Variants in HS6ST1 observed in about 807,000 individuals in gnomAD.
HS6ST1 encodes heparan-sulfate 6-O-sulfotransferase 1.
In HS6ST1, 3 loss-of-function variants were observed where a neutral mutation model predicts 25.2. The observed-to-expected ratio is 0.12, with a 90% CI of 0.05 to 0.31. The LOEUF is 0.31. Ranked by LOEUF, HS6ST1 falls within the 10% of genes least tolerant of loss-of-function variation. The probability of loss-of-function intolerance (pLI) is 1.00; values close to 1 mark genes in which losing one functional copy is unlikely to be tolerated. For missense variants in HS6ST1, 310 were observed against 609.6 expected, an observed-to-expected ratio of 0.51 and a Z score of 5.18; for synonymous variants, 204 against 275.1, an observed-to-expected ratio of 0.74 and a Z score of 2.56.
chr2:128,302,265 G>A (rs1296446474), intron 1 of HS6ST1, among the ~76,000 whole-genome samples: 1 of 152,192 alleles, frequency 6.6e-6, no homozygotes, highest in Non-Finnish European at 1.5e-5. Context: ...GGACCTTGAG[G>A]TCAAAGAATG....
rs1026992939 is a variant in HS6ST1, at chr2:128,318,846, C to G, written c.-283G>C. Among the ~76,000 whole-genome samples the G allele has an allele frequency of 6.8e-6, 1 of 147,696 alleles. No homozygotes were observed. The highest frequency in any genetic ancestry group is 2.4e-5 in the African/African-American group (1 of 40,930). On this transcript the variant is annotated 5_prime_UTR_variant, in exon 1 of 2. Coordinates refer to ENST00000259241, the MANE Select transcript of HS6ST1 (RefSeq NM_004807.3). The surrounding 1 kb of genome is among the most constrained non-coding windows in gnomAD (Gnocchi z 5.7). ...GCCCCCAGCACCAGCCCGCTCCGCT[C>G]CACTCCGCGCCGAGAACGCTCTGCG... is the stretch of plus-strand genomic sequence containing the variant.
chr2:128,296,209 G>C (rs1465096991), intron 1 of HS6ST1, among the ~76,000 whole-genome samples: 1 of 152,188 alleles, frequency 6.6e-6, no homozygotes, highest in South Asian at 2.1e-4. Context: ...GTTTGTAATA[G>C]AGGCTGAGCT....
Position 128,266,493 on chromosome 2 carries a change from T to G in HS6ST1, c.*1669A>C, listed in dbSNP as rs1372603566. ...GGGGCCAGTGTAGGAGACCTGAGGGTGGGGCCCTTATGCCAGACCTCCAGG... is the reference window on the plus strand; with the variant it reads ...GGGGCCAGTGTAGGAGACCTGAGGGGGGGGCCCTTATGCCAGACCTCCAGG... On this transcript the variant is annotated 3_prime_UTR_variant, in exon 2 of 2. Transcript: ENST00000259241. 1 of 152,164 alleles carries G rather than the reference T, an allele frequency of 6.6e-6. No homozygotes were observed. The highest frequency in any genetic ancestry group is 2.4e-5 in the African/African-American group (1 of 41,432). 9.4% of individuals were successfully genotyped at this position (152,164 alleles called of 1,614,324 possible). A position where few individuals can be genotyped will look rare whatever the true frequency, so the allele number is the denominator to read the frequency against.
chr2:128,305,126 C>T (rs1015427239), intron 1 of HS6ST1, among the ~76,000 whole-genome samples: 1 of 152,220 alleles, frequency 6.6e-6, no homozygotes, highest in African/African-American at 2.4e-5. Context: ...CCCATTTGAC[C>T]CACTTGCTGA....
At chr2:128,303,203 G>A (rs17016134) in intron 1 of HS6ST1, among the ~76,000 whole-genome samples, 2,228 of 152,370 alleles carry the variant, frequency 0.015, 53 homozygotes, top group African/African-American at 0.049. Flanking sequence ...GATGCCCCAA[G>A]ATGCAGACCA....
chr2:128,314,947 A>C (rs995174508), intron 1 of HS6ST1, among the ~76,000 whole-genome samples: 1 of 152,066 alleles, frequency 6.6e-6, no homozygotes, highest in African/African-American at 2.4e-5. Flanking sequence ...GGAAGGAGGG[A>C]GGTTCTGGCT....
intron 1 of HS6ST1, among the ~76,000 whole-genome samples, chr2:128,278,008 T>A (rs1003657530): frequency 4.6e-5 from 7 of 152,250 alleles, no homozygotes; most frequent in African/African-American, 1.7e-4. Context: ...CGTGGCCACT[T>A]CTAAAGTCCA....
At chr2:128,311,151 T>A (rs956049263) in intron 1 of HS6ST1, among the ~76,000 whole-genome samples, 8 of 152,140 alleles carry the variant, frequency 5.3e-5, no homozygotes, top group African/African-American at 4.8e-5. Flanking sequence ...TTTTTCAGCA[T>A]AACATACCCC....
chr2:128,308,100 T>C (rs1694238343), intron 1 of HS6ST1, among the ~76,000 whole-genome samples: 1 of 152,168 alleles, frequency 6.6e-6, no homozygotes, highest in African/African-American at 2.4e-5. Flanking sequence ...AACAGCACTG[T>C]GTATCATTTA....
intron 1 of HS6ST1, among the ~76,000 whole-genome samples, chr2:128,290,856 A>G (rs1693941113): frequency 6.7e-6 from 1 of 148,294 alleles, no homozygotes; most frequent in East Asian, 2.0e-4. Flanking sequence ...TTTAGCATGC[A>G]TGATGGCACG....
At chr2:128,296,770 T>C (rs1694044513) in intron 1 of HS6ST1, among the ~76,000 whole-genome samples, 1 of 152,198 alleles carries the variant, frequency 6.6e-6, no homozygotes, top group African/African-American at 2.4e-5. Flanking sequence ...AGACCTACTA[T>C]CATTAAGATG....
chr2:128,297,697 G>A (rs892325571), intron 1 of HS6ST1, among the ~76,000 whole-genome samples: 6 of 152,100 alleles, frequency 3.9e-5, no homozygotes, highest in African/African-American at 7.3e-5. Flanking sequence ...AGCTGGGCGT[G>A]GTGGCACATG....
At chr2:128,293,195 C>T (rs546993996) in intron 1 of HS6ST1, among the ~76,000 whole-genome samples, 171 of 152,360 alleles carry the variant, frequency 1.1e-3, no homozygotes, top group African/African-American at 3.9e-3. Context: ...CTGTCTCCTG[C>T]GGAAGGGCAC....
intron 1 of HS6ST1, among the ~76,000 whole-genome samples, chr2:128,273,250 C>G (rs1573689843): frequency 6.6e-6 from 1 of 152,360 alleles, no homozygotes; most frequent in South Asian, 2.1e-4. Flanking sequence ...CTTACGCTGT[C>G]CCCACGGCTC....
chr2:128,294,044 T>C lies in HS6ST1; in HGVS notation c.527+23993A>G, dbSNP rs554497888. Among the ~76,000 whole-genome samples the C allele has an allele frequency of 1.1e-3, 169 of 152,324 alleles. 1 individual carries two copies. Among genetic ancestry groups the C allele is most frequent in the African/African-American group, 3.9e-3 (163 of 41,584 alleles). ...CAGTAGGCTTGGCTCTGTACCTCCT[T>C]GAGGGCAGGGCCCTGCCCTCTCCTC... On this transcript the variant is annotated intron_variant, in intron 1 of 1. Coordinates refer to ENST00000259241, the MANE Select transcript of HS6ST1 (RefSeq NM_004807.3).
chr2:128,293,003 G>C (rs1034693512), intron 1 of HS6ST1, among the ~76,000 whole-genome samples: 5 of 152,146 alleles, frequency 3.3e-5, no homozygotes, highest in African/African-American at 9.7e-5. Flanking sequence ...CTGGGTCTGG[G>C]GTCCTTGCCG....
At chr2:128,274,877 T>C (rs1044733504) in intron 1 of HS6ST1, among the ~76,000 whole-genome samples, 12 of 143,520 alleles carry the variant, frequency 8.4e-5, no homozygotes, top group African/African-American at 1.6e-4. Flanking sequence ...ACTTGGGAGG[T>C]TGAGGCAGGA....
chr2:128,276,203 C>T (rs1161558952), intron 1 of HS6ST1, among the ~76,000 whole-genome samples: 1 of 152,222 alleles, frequency 6.6e-6, no homozygotes, highest in East Asian at 1.9e-4. Context: ...TCTTGGCTCA[C>T]TGCAACCTCC....
At chr2:128,299,010 T>C (rs1273529716) in intron 1 of HS6ST1, among the ~76,000 whole-genome samples, 1 of 152,094 alleles carries the variant, frequency 6.6e-6, no homozygotes, top group Admixed American at 6.5e-5. Flanking sequence ...TGTGGGGTAC[T>C]CCTCGGCTCT....
Sources: gnomAD v4.1 joint callset for allele counts (sites outside exome capture counted in the v4.1 genomes callset) on GRCh38, gnomAD v4.1.1 for gene constraint, Gnocchi (gnomAD v3.1) non-coding constraint, MANE v1.5 for transcripts, NCBI Gene and HGNC (gene_info 2026-07-23, HGNC 2026-07-21) for gene names.